The following LRRC37B variants were observed in gnomAD, a reference collection of about 807,000 sequenced individuals.
LRRC37B encodes the protein leucine-rich repeat-containing protein 37B.
LRRC37B carries 28 observed loss-of-function variants against 98.3 expected under a neutral mutation model. The observed-to-expected ratio is 0.28, with a 90% CI of 0.21 to 0.39. The LOEUF is 0.39. Ranked by LOEUF, LRRC37B falls within the 10% of genes least tolerant of loss-of-function variation. LRRC37B has a pLI of 1.00. For synonymous variants in LRRC37B, 364 were observed against 442.7 expected, an observed-to-expected ratio of 0.82 and a Z score of 2.23; for missense variants, 938 against 1,182.7, an observed-to-expected ratio of 0.79 and a Z score of 3.03.
chr17:32,022,265 T>G, exon 1 of LRRC37B: 7 of 1,613,886 alleles, frequency 4.3e-6, no homozygotes, highest in Non-Finnish European at 5.9e-6. Flanking sequence ...CAATTCAGCC[T>G]CCCGAGGAGG....
intron 7 of LRRC37B, chr17:32,041,299 A>G (rs1388653192): frequency 1.3e-6 from 1 of 757,996 alleles, no homozygotes; most frequent in Non-Finnish European, 2.4e-6. Flanking sequence ...CGATCTTCCG[A>G]CAAGTCCATC....
upstream of LRRC37B, among the ~76,000 whole-genome samples, chr17:32,007,487 G>T (rs1289106613): frequency 6.6e-6 from 1 of 152,102 alleles, no homozygotes; most frequent in Non-Finnish European, 1.5e-5. This position sits in a 1 kb window ranked among gnomAD's most constrained non-coding sequence, Gnocchi z 4.1. Context: ...GCTTCCGCCG[G>T]CCGGGCCCCT....
In LRRC37B at chr17:32,022,236, C is replaced by T; in HGVS notation, c.1171C>T (p.Gln391Ter). ...GCCTAAAAATGAGACAGAATCTACCCAAGCCCAGCAGGAGGCCCCAATTCA... is the reference window on the plus strand; with the variant it reads ...GCCTAAAAATGAGACAGAATCTACCTAAGCCCAGCAGGAGGCCCCAATTCA... Residue 391 changes from glutamine to a stop codon, truncating the protein, a stop_gained, in exon 1 of 12, where the codon CAA (glutamine) becomes TAA (stop). Transcript: ENST00000327564. LOFTEE classifies it high-confidence loss of function. The T allele has an allele frequency of 6.2e-7, 1 of 1,613,092 alleles. No homozygotes were observed. The highest frequency in any genetic ancestry group is 8.5e-7 in the Non-Finnish European group (1 of 1,179,620).
intron 7 of LRRC37B, among the ~76,000 whole-genome samples, chr17:32,036,976 ATTTTTTTTTTTTT>A (rs71360793): frequency 6.6e-3 from 341 of 51,702 alleles, no homozygotes; most frequent in Non-Finnish European, 9.7e-3. Flanking sequence ...CATCTTCAGC[ATTTTTTTTTTTTT>A]TTTTTTTTTT....
rs775374963 is a variant in LRRC37B, at chr17:32,007,994, G to A, written c.-329G>A. On this transcript the variant is annotated 5_prime_UTR_variant, in exon 1 of 15. Transcript: ENST00000543378. The surrounding 1 kb of genome is among the most constrained non-coding windows in gnomAD (Gnocchi z 4.1). ...GTAAGAGGAGGGGGGCGGCGATGCC[G>A]AGGAGACCCAGGAGTCTGAGGACAA... The A allele has an allele frequency of 8.1e-6, 4 of 493,224 alleles. No individual in the cohort carries two copies. Among genetic ancestry groups the A allele is most frequent in the Non-Finnish European group, 1.5e-5 (4 of 268,600 alleles). The allele number at this position is 493,224 out of a possible 1,614,324, so 30.6% of individuals were successfully genotyped here.
intron 3 of LRRC37B, among the ~76,000 whole-genome samples, chr17:32,029,669 G>A (rs1381198234): frequency 6.6e-6 from 1 of 152,030 alleles, no homozygotes; most frequent in African/African-American, 2.4e-5. Flanking sequence ...GAAAGTATTC[G>A]AGGAATGCCA....
intron 3 of LRRC37B, 50 bp from the exon 7 acceptor site, chr17:32,030,606 G>C: frequency 2.1e-6 from 3 of 1,409,808 alleles, no homozygotes; most frequent in Non-Finnish European, 2.9e-6. Context: ...ATTCATACCA[G>C]TCAACACTGA....
chr17:32,021,069 G>T, exon 1 of LRRC37B: 3 of 1,612,022 alleles, frequency 1.9e-6, no homozygotes, highest in Non-Finnish European at 2.5e-6. Flanking sequence ...ACAGGGCATG[G>T]CACACGCTTA....
At chr17:32,015,597 CTG>C (rs1412146061) in intron 1 of LRRC37B, among the ~76,000 whole-genome samples, 1 of 152,142 alleles carries the variant, frequency 6.6e-6, no homozygotes, top group Non-Finnish European at 1.5e-5. Flanking sequence ...TCTGAAAACA[CTG>C]TAATTTTTTT....
intron 1 of LRRC37B, among the ~76,000 whole-genome samples, chr17:32,011,153 C>T (rs748912620): frequency 2.0e-5 from 3 of 151,854 alleles, no homozygotes; most frequent in Non-Finnish European, 2.9e-5. Context: ...CCCGCCACCA[C>T]GCCCCGCTGA....
intron 1 of LRRC37B, among the ~76,000 whole-genome samples, chr17:32,023,904 C>T (rs1012398818): frequency 2.6e-5 from 4 of 152,074 alleles, no homozygotes; most frequent in African/African-American, 9.7e-5. Context: ...TGCATACCAT[C>T]GGTGCTAGAA....
At chr17:32,045,421 G>A (rs1467491268) in intron 7 of LRRC37B, 13 of 337,256 alleles carry the variant, frequency 3.9e-5, no homozygotes, top group Admixed American at 1.8e-4. Context: ...CTTTTGAGTC[G>A]GGAAGAGATA....
intron 1 of LRRC37B, among the ~76,000 whole-genome samples, chr17:32,009,613 C>T (rs563098085): frequency 2.7e-5 from 4 of 150,788 alleles, no homozygotes; most frequent in Non-Finnish European, 5.9e-5. Flanking sequence ...AATTGGGTTG[C>T]TTTCTTTATT....
At chr17:32,007,917 G>C (rs530234824), upstream of LRRC37B, 2 of 684,368 alleles carry the variant, frequency 2.9e-6, no homozygotes, top group Non-Finnish European at 3.9e-6. This position sits in a 1 kb window ranked among gnomAD's most constrained non-coding sequence, Gnocchi z 4.1. Context: ...ACCGCAGCCC[G>C]GAGGGCTGTC....
intron 11 of LRRC37B, 86 bp from the exon 15 acceptor site, chr17:32,053,180 C>T: frequency 2.2e-6 from 2 of 906,904 alleles, no homozygotes; most frequent in Non-Finnish European, 3.6e-6. Context: ...GTAGATGAGA[C>T]TTAAAATGAA....
At chr17:32,035,683 T>A (rs1598209073) in intron 7 of LRRC37B, 44 bp downstream of exon 10, 1 of 1,540,762 alleles carries the variant, frequency 6.5e-7, no homozygotes, top group East Asian at 2.3e-5. Flanking sequence ...AGTTGGTTTT[T>A]TAGGTTTGTT....
intron 7 of LRRC37B, 160 bp from the exon 11 acceptor site, chr17:32,045,540 G>A: frequency 2.8e-6 from 2 of 706,982 alleles, no homozygotes; most frequent in South Asian, 1.7e-5. Flanking sequence ...GGGCACCTGT[G>A]TCCTCCTTCC....
chr17:32,013,704 T>TTGTGTGTGTGTG (rs1395497053), intron 1 of LRRC37B, among the ~76,000 whole-genome samples: 2 of 132,166 alleles, frequency 1.5e-5, no homozygotes, highest in Admixed American at 7.3e-5. Flanking sequence ...TCCCTTATAA[T>TTGTGTGTGTGTG]TGTATATGTG....
rs1261749199 is a variant in LRRC37B, at chr17:32,027,755, T to C, written c.1833-14T>C. On this transcript the variant is annotated splice_polypyrimidine_tract_variant and intron_variant, in intron 2 of 11. Transcript: ENST00000327564. ...TTTGCATTTTAACCTAGAAATAACT[T>C]TTTCATTTTCCAGAATTCTCAGTGA... 3 of 1,593,954 alleles carry C rather than the reference T, an allele frequency of 1.9e-6. No homozygotes were observed. In the African/African-American group the frequency reaches 4.0e-5, roughly 21 times the overall value.
Sources: gnomAD v4.1 joint callset for allele counts (sites outside exome capture counted in the v4.1 genomes callset) on GRCh38, gnomAD v4.1.1 for gene constraint, Gnocchi (gnomAD v3.1) non-coding constraint, MANE v1.5 for transcripts, NCBI Gene and HGNC (gene_info 2026-07-23, HGNC 2026-07-21) for gene names.